SND1: variants seen among roughly 807,000 people sequenced by gnomAD.
SND1 encodes staphylococcal nuclease and tudor domain containing 1.
SND1 carries 38 observed loss-of-function variants against 121.7 expected under a neutral mutation model. The ratio of observed to expected loss-of-function variants is 0.31; its 90% CI spans 0.24 to 0.41. The LOEUF (loss-of-function observed/expected upper bound fraction) is 0.41. Ranked by LOEUF, SND1 falls within the 10% of genes least tolerant of loss-of-function variation. The probability of loss-of-function intolerance (pLI) is 1.00; values close to 1 mark genes in which losing one functional copy is unlikely to be tolerated. For missense variants in SND1, 868 were observed against 1,184.6 expected, an observed-to-expected ratio of 0.73 and a Z score of 3.92; for synonymous variants, 401 against 447.4, an observed-to-expected ratio of 0.90 and a Z score of 1.31.
intron 3 of SND1, among the ~76,000 whole-genome samples, chr7:127,697,305 C>T (rs1188128138): frequency 6.6e-6 from 1 of 151,850 alleles, no homozygotes; most frequent in Non-Finnish European, 1.5e-5. Context: ...GAGGGTTCAC[C>T]CCAGGGGAAG....
chr7:128,035,596 C>T (rs1205275394), intron 16 of SND1, among the ~76,000 whole-genome samples: 1 of 152,196 alleles, frequency 6.6e-6, no homozygotes, highest in African/African-American at 2.4e-5. Flanking sequence ...TCCTTTTTGA[C>T]CTCAGTTCCT....
Position 127,805,721 on chromosome 7 carries a change from T to C in SND1, c.1153-1763T>C, listed in dbSNP as rs1291200989. 2.0e-5 allele frequency among the ~76,000 whole-genome samples: 3 copies of C among 152,330 alleles called. No homozygotes were observed. In the East Asian group the frequency reaches 5.8e-4, roughly 29 times the overall value. On this transcript the variant is annotated intron_variant, in intron 10 of 23. Transcript: ENST00000354725. Reference sequence around the variant, plus strand: ...GCTGTTTACTTAAGAGTAGCGGCTATTTAGGAAAAAATGTAATATCTGCTT... The same window carrying C: ...GCTGTTTACTTAAGAGTAGCGGCTACTTAGGAAAAAATGTAATATCTGCTT...
chr7:127,707,809 GTGTTTA>G (rs899243697), intron 9 of SND1, among the ~76,000 whole-genome samples, 162 bp downstream of exon 9: 1 of 143,176 alleles, frequency 7.0e-6, no homozygotes, highest in African/African-American at 2.6e-5. Flanking sequence ...GTGTGTGTGT[GTGTTTA>G]TTGTAGGGGG....
intron 11 of SND1, among the ~76,000 whole-genome samples, chr7:127,833,516 T>C (rs1584606125): frequency 1.3e-5 from 2 of 152,040 alleles, no homozygotes; most frequent in African/African-American, 4.8e-5. Context: ...CCACCCACCT[T>C]GGCCTGCCAA....
intron 13 of SND1, among the ~76,000 whole-genome samples, chr7:127,895,529 C>CTT (rs1800102131): frequency 6.6e-6 from 1 of 152,010 alleles, no homozygotes; most frequent in Admixed American, 6.6e-5. Context: ...TTAAGTGTCA[C>CTT]GATCATGAGG....
chr7:127,882,065 C>T (rs1261258852), intron 12 of SND1, among the ~76,000 whole-genome samples: 1 of 151,854 alleles, frequency 6.6e-6, no homozygotes, highest in Non-Finnish European at 1.5e-5. Flanking sequence ...CCATCCTGGG[C>T]AATATAGCAA....
intron 10 of SND1, among the ~76,000 whole-genome samples, chr7:127,769,589 A>T (rs1376839482): frequency 6.6e-6 from 1 of 152,064 alleles, no homozygotes; most frequent in Non-Finnish European, 1.5e-5. Context: ...TTCCTTGTCC[A>T]GATCTGTTTA....
At chr7:127,973,934 G>A (rs1020490566) in intron 15 of SND1, among the ~76,000 whole-genome samples, 2 of 152,214 alleles carry the variant, frequency 1.3e-5, no homozygotes, top group African/African-American at 2.4e-5. Flanking sequence ...GGAAGCTTGT[G>A]TACAGCCTGG....
chr7:127,900,117 T>A (rs920829560), intron 13 of SND1, among the ~76,000 whole-genome samples: 1 of 152,192 alleles, frequency 6.6e-6, no homozygotes, highest in Non-Finnish European at 1.5e-5. Context: ...TGTTGAAAGC[T>A]CCTGCTCCCT....
chr7:127,773,336 C>A (rs1366929569), intron 10 of SND1, among the ~76,000 whole-genome samples: 1 of 151,994 alleles, frequency 6.6e-6, no homozygotes, highest in African/African-American at 2.4e-5. Context: ...CCTGTAGTCC[C>A]AGCTACTCAG....
At chr7:128,069,292 A>C (rs1793368951) in intron 16 of SND1, among the ~76,000 whole-genome samples, 1 of 152,228 alleles carries the variant, frequency 6.6e-6, no homozygotes, top group Admixed American at 6.5e-5. Context: ...TCAGCAAAGC[A>C]GGACAGCTGC....
chr7:127,846,993 C>T (rs191646442), intron 12 of SND1, among the ~76,000 whole-genome samples: 4 of 151,944 alleles, frequency 2.6e-5, no homozygotes, highest in Admixed American at 1.3e-4. Context: ...CTTGGCCAGG[C>T]GCGATGGCTC....
chr7:127,985,799 G>A (rs76707325), intron 15 of SND1, among the ~76,000 whole-genome samples: 86 of 152,308 alleles, frequency 5.6e-4, no homozygotes, highest in African/African-American at 1.3e-3. Flanking sequence ...ATGAGCTGGT[G>A]GATTTTTCAG....
At position 128,052,449 on chromosome 7, in the gene SND1, G is replaced by A. The variant is rs958542257; in HGVS notation, c.1780-22053G>A. On this transcript the variant is annotated intron_variant, in intron 16 of 23. Coordinates refer to ENST00000354725, the MANE Select transcript of SND1 (RefSeq NM_014390.4). The surrounding 1 kb of genome is among the most constrained non-coding windows in gnomAD (Gnocchi z 4.6). Reference sequence around the variant, plus strand: ...GCCCAGGAAAGGGTATTTGGAAGAAGCTCCATCCTGTCTCCTTTTCCCCAT... The same window carrying A: ...GCCCAGGAAAGGGTATTTGGAAGAAACTCCATCCTGTCTCCTTTTCCCCAT... 3.3e-5 allele frequency among the ~76,000 whole-genome samples: 5 copies of A among 152,206 alleles called. No homozygotes were observed. Among genetic ancestry groups the A allele is most frequent in the East Asian group, 3.8e-4 (2 of 5,200 alleles).
At chr7:128,082,061 C>T (rs1793613846) in intron 18 of SND1, 3 of 484,128 alleles carry the variant, frequency 6.2e-6, no homozygotes, top group African/African-American at 3.9e-5. Context: ...AGGACCTTCT[C>T]CTCCTTCCGT....
chr7:127,939,912 C>G (rs1584681347), intron 15 of SND1, among the ~76,000 whole-genome samples: 1 of 152,142 alleles, frequency 6.6e-6, no homozygotes, highest in East Asian at 1.9e-4. Flanking sequence ...TTCTATTGTG[C>G]TTTTTACTCT....
chr7:127,888,366 CCT>C (rs1312241906), intron 13 of SND1, among the ~76,000 whole-genome samples: 2 of 152,084 alleles, frequency 1.3e-5, no homozygotes, highest in Admixed American at 6.6e-5. Flanking sequence ...AGTACATTTG[CCT>C]CTGTTTCTTA....
chr7:127,820,964 A>T (rs781470577), intron 11 of SND1, among the ~76,000 whole-genome samples: 3 of 152,152 alleles, frequency 2.0e-5, no homozygotes, highest in Non-Finnish European at 4.4e-5. Flanking sequence ...ACCAGAGTTG[A>T]CAGAGTATTA....
intron 11 of SND1, among the ~76,000 whole-genome samples, chr7:127,809,160 A>G (rs1798291319): frequency 6.6e-6 from 1 of 152,230 alleles, no homozygotes; most frequent in African/African-American, 2.4e-5. Flanking sequence ...GCTCTGTCAC[A>G]GGATAAAAGG....
Sources: gnomAD v4.1 joint callset for allele counts (sites outside exome capture counted in the v4.1 genomes callset) on GRCh38, gnomAD v4.1.1 for gene constraint, Gnocchi (gnomAD v3.1) non-coding constraint, MANE v1.5 for transcripts, NCBI Gene and HGNC (gene_info 2026-07-23, HGNC 2026-07-21) for gene names.